The following SV2C variants were observed in gnomAD, a reference collection of about 807,000 sequenced individuals.
SV2C encodes the protein solute carrier family 22 member B3.
A neutral mutation model predicts 79.7 loss-of-function variants in SV2C; 49 were observed. The ratio of observed to expected loss-of-function variants is 0.61; its 90% CI spans 0.49 to 0.78. The LOEUF (loss-of-function observed/expected upper bound fraction) is 0.78. Among genes scored for constraint, SV2C ranks in the 30% least tolerant of loss-of-function variants. The pLI is 0.00. For synonymous variants in SV2C, 334 were observed against 333.2 expected (o/e 1.00, Z -0.03); for missense variants, 833 against 912.9 (o/e 0.91, Z 1.13).
At chr5:76,119,470 G>A (rs1748407453) in intron 1 of SV2C, among the ~76,000 whole-genome samples, 1 of 152,154 alleles carries the variant, frequency 6.6e-6, no homozygotes, top group Admixed American at 6.5e-5. Context: ...CATAAACATA[G>A]TCAGAAGGCA....
At chr5:76,102,969 T>C (rs1157714053) in intron 1 of SV2C, among the ~76,000 whole-genome samples, 1 of 152,172 alleles carries the variant, frequency 6.6e-6, no homozygotes, top group Non-Finnish European at 1.5e-5. Flanking sequence ...ATTAGTTTTG[T>C]TCATTAATAT....
chr5:76,191,897 C>T (rs1744115546), intron 2 of SV2C, among the ~76,000 whole-genome samples: 1 of 152,164 alleles, frequency 6.6e-6, no homozygotes, highest in Admixed American at 6.5e-5. Context: ...AGAGTCACAG[C>T]CTGGCCTCTT....
the SV2C span, among the ~76,000 whole-genome samples, chr5:75,972,023 A>T: frequency 2.6e-5 from 4 of 152,154 alleles, no homozygotes; most frequent in South Asian, 2.1e-4. Context: ...ATAATGCCGC[A>T]TATCTACAAC....
the SV2C span, among the ~76,000 whole-genome samples, chr5:75,885,850 G>C: frequency 6.6e-6 from 1 of 152,128 alleles, no homozygotes; most frequent in Admixed American, 6.6e-5. Flanking sequence ...AAGGAGATTT[G>C]CATGTCCCAA....
chr5:76,204,515 G>A (rs1056395388), intron 3 of SV2C, among the ~76,000 whole-genome samples: 1 of 152,170 alleles, frequency 6.6e-6, no homozygotes, highest in East Asian at 1.9e-4. Context: ...ATGGGAAATG[G>A]AAGATTGAGG....
At chr5:76,070,617 G>A in the SV2C span, among the ~76,000 whole-genome samples, 1 of 152,340 alleles carries the variant, frequency 6.6e-6, no homozygotes, top group African/African-American at 2.4e-5. Context: ...AGGGTGGTAT[G>A]TAGAAGGTGG....
chr5:76,323,825 A>G (rs1360737400), intron 12 of SV2C, among the ~76,000 whole-genome samples: 1 of 152,170 alleles, frequency 6.6e-6, no homozygotes, highest in Non-Finnish European at 1.5e-5. Context: ...CTCATAAATG[A>G]GAGTTGAACA....
intron 12 of SV2C, among the ~76,000 whole-genome samples, chr5:76,307,778 G>T (rs1290774983): frequency 6.6e-6 from 1 of 152,044 alleles, no homozygotes; most frequent in African/African-American, 2.4e-5. Flanking sequence ...CCTCCATTCT[G>T]CTGTTGAGCC....
the SV2C span, among the ~76,000 whole-genome samples, chr5:75,962,394 G>C: frequency 6.6e-6 from 1 of 152,122 alleles, no homozygotes; most frequent in East Asian, 1.9e-4. Flanking sequence ...TAGAATATTA[G>C]TACTCATTTG....
At chr5:75,871,637 G>A in the SV2C span, among the ~76,000 whole-genome samples, 5 of 151,648 alleles carry the variant, frequency 3.3e-5, no homozygotes, top group South Asian at 4.2e-4. Context: ...GTGAAACGCC[G>A]TCTCTACTAA....
chr5:76,246,464 CCTAACT>C (rs1745950538), intron 4 of SV2C, among the ~76,000 whole-genome samples: 1 of 152,162 alleles, frequency 6.6e-6, no homozygotes, highest in Non-Finnish European at 1.5e-5. Flanking sequence ...TTGCTGAAGA[CCTAACT>C]CTGACAGGCA....
At chr5:76,106,742 C>T (rs911567586) in intron 1 of SV2C, among the ~76,000 whole-genome samples, 2 of 152,182 alleles carry the variant, frequency 1.3e-5, no homozygotes, top group Admixed American at 1.3e-4. Flanking sequence ...CTCTATGAGG[C>T]CTACCCTGAA....
chr5:76,256,938 G>A (rs1746286470), intron 4 of SV2C, among the ~76,000 whole-genome samples: 1 of 152,172 alleles, frequency 6.6e-6, no homozygotes, highest in Admixed American at 6.5e-5. Context: ...ACTTCTACCT[G>A]CCTCTAGCTG....
intron 3 of SV2C, among the ~76,000 whole-genome samples, chr5:76,201,641 C>T (rs1744444639): frequency 6.6e-6 from 1 of 152,158 alleles, no homozygotes; most frequent in South Asian, 2.1e-4. Flanking sequence ...ATTCAGAATG[C>T]TTTATATGTA....
At chr5:76,038,788 C>T in the SV2C span, among the ~76,000 whole-genome samples, 3,420 of 152,262 alleles carry the variant, frequency 0.022, 118 homozygotes, top group African/African-American at 0.074. Flanking sequence ...AAGCTTTCTG[C>T]AAGACAACTG....
chr5:76,184,436 TCA>T (rs1456760518), intron 2 of SV2C, among the ~76,000 whole-genome samples: 1 of 152,230 alleles, frequency 6.6e-6, no homozygotes, highest in Non-Finnish European at 1.5e-5. Context: ...AAGATTAGGT[TCA>T]GTCTATTACC....
the SV2C span, among the ~76,000 whole-genome samples, chr5:75,915,545 A>G: frequency 1.1e-4 from 17 of 152,242 alleles, no homozygotes; most frequent in Non-Finnish European, 2.4e-4. Context: ...ATAGTTAGAT[A>G]TGAGCAACAC....
At chr5:75,916,845 C>T in the SV2C span, among the ~76,000 whole-genome samples, 1 of 152,156 alleles carries the variant, frequency 6.6e-6, no homozygotes, top group Non-Finnish European at 1.5e-5. Flanking sequence ...GGGCTGTTCC[C>T]CCAGTGCCAG....
the SV2C span, among the ~76,000 whole-genome samples, chr5:75,956,297 C>T: frequency 6.9e-6 from 1 of 144,820 alleles, no homozygotes; most frequent in African/African-American, 2.5e-5. Context: ...ATCGCAAGAA[C>T]AAAAAACCAA....
Sources: gnomAD v4.1 joint callset for allele counts (sites outside exome capture counted in the v4.1 genomes callset) on GRCh38, gnomAD v4.1.1 for gene constraint, MANE v1.5 for transcripts, NCBI Gene and HGNC (gene_info 2026-07-23, HGNC 2026-07-21) for gene names.